Variants in INPP5A observed in about 807,000 individuals in gnomAD.
INPP5A encodes the protein 43 kDa inositol polyphosphate 5-phophatase.
INPP5A carries 14 observed loss-of-function variants against 65.2 expected under a neutral mutation model. That is an observed-to-expected ratio of 0.21 (90% CI 0.14 to 0.34). INPP5A has a LOEUF of 0.34. INPP5A is among the 10% of genes least tolerant of loss of function. INPP5A has a pLI of 1.00. For missense variants in INPP5A, 431 were observed against 545.6 expected (o/e 0.79, Z 2.09); for synonymous variants, 207 against 208.3 (o/e 0.99, Z 0.05).
At chr10:132,714,736 G>A (rs1389220690) in intron 8 of INPP5A, among the ~76,000 whole-genome samples, 1 of 152,206 alleles carries the variant, frequency 6.6e-6, no homozygotes, top group Non-Finnish European at 1.5e-5. Flanking sequence ...AAACAACTGA[G>A]AGACAAGCTC....
intron 4 of INPP5A, among the ~76,000 whole-genome samples, chr10:132,668,474 A>G (rs938059908): frequency 6.6e-6 from 1 of 152,164 alleles, no homozygotes; most frequent in African/African-American, 2.4e-5. Context: ...GTAACCTCAA[A>G]CTGTTTCACT....
At chr10:132,613,623 CGCCAATCCCCACTCTCGATTTCAAT>C (rs1360349194) in intron 2 of INPP5A, among the ~76,000 whole-genome samples, 1 of 152,196 alleles carries the variant, frequency 6.6e-6, no homozygotes, top group East Asian at 1.9e-4. Flanking sequence ...GAGATTTCAG[CGCCAATCCCCACTCTCGATTTCAAT>C]GCCAATCCCC....
chr10:132,691,844 G>T (rs1024233757), intron 5 of INPP5A, among the ~76,000 whole-genome samples: 1 of 151,826 alleles, frequency 6.6e-6, no homozygotes, highest in Admixed American at 6.6e-5. Context: ...CGCGGGAGAC[G>T]TGCGGTCGCG....
chr10:132,774,612 A>G (rs192291669), intron 12 of INPP5A, among the ~76,000 whole-genome samples: 313 of 152,154 alleles, frequency 2.1e-3, no homozygotes, highest in African/African-American at 7.1e-3. Context: ...GCCCTGCCCC[A>G]AGACCTCGAC....
chr10:132,775,474 C>T (rs895209796), intron 12 of INPP5A, among the ~76,000 whole-genome samples: 3 of 152,124 alleles, frequency 2.0e-5, no homozygotes, highest in South Asian at 2.1e-4. Flanking sequence ...GTGGGTACAG[C>T]GGTTGTGTGC....
intron 2 of INPP5A, among the ~76,000 whole-genome samples, chr10:132,617,078 A>G (rs539913207): frequency 4.6e-5 from 7 of 152,140 alleles, no homozygotes; most frequent in Non-Finnish European, 1.0e-4. Context: ...AAGATTCTGC[A>G]GGCTCTCTCT....
chr10:132,581,581 T>C (rs1197019910), intron 1 of INPP5A, among the ~76,000 whole-genome samples: 1 of 152,206 alleles, frequency 6.6e-6, no homozygotes, highest in Non-Finnish European at 1.5e-5. Flanking sequence ...TTAGCTCTTC[T>C]GGCGGGTGTG....
chr10:132,729,087 G>A (rs927707633), intron 9 of INPP5A, among the ~76,000 whole-genome samples: 2 of 152,110 alleles, frequency 1.3e-5, no homozygotes, highest in Non-Finnish European at 2.9e-5. Flanking sequence ...AGGCGTGGGG[G>A]GCCTGGACGC....
chr10:132,628,469 G>GGA (rs2072221364), intron 2 of INPP5A, among the ~76,000 whole-genome samples: 1 of 148,370 alleles, frequency 6.7e-6, no homozygotes, highest in Non-Finnish European at 1.5e-5. Flanking sequence ...GTGGCGGGGG[G>GGA]GGGGGGGGGC....
rs542413047 is a variant in INPP5A at position 132,648,337 on chromosome 10, C to T, written c.219-2081C>T. Among the ~76,000 whole-genome samples, 17 of 152,366 alleles carry T rather than the reference C, an allele frequency of 1.1e-4. 1 individual carries two copies. The highest frequency in any genetic ancestry group is 3.1e-4 in the African/African-American group (13 of 41,578). On this transcript the variant is annotated intron_variant, in intron 3 of 15. Coordinates refer to ENST00000368594, the MANE Select transcript of INPP5A (RefSeq NM_005539.5). ...CCACGGCCTTGTGCCCCCGCGATGCCGTGTGTGTTTCCTTCCTCCGCGCTT... is the reference window on the plus strand; with the variant it reads ...CCACGGCCTTGTGCCCCCGCGATGCTGTGTGTGTTTCCTTCCTCCGCGCTT...
At chr10:132,780,141 A>G (rs1198485636) in intron 13 of INPP5A, among the ~76,000 whole-genome samples, 1 of 152,172 alleles carries the variant, frequency 6.6e-6, no homozygotes, top group East Asian at 1.9e-4. Context: ...TGAGCTTCCC[A>G]CTGCATTAAA....
chr10:132,587,200 A>C lies in INPP5A; in HGVS notation c.76-20715A>C, dbSNP rs140855709. On this transcript the variant is annotated intron_variant, in intron 1 of 15. Coordinates refer to ENST00000368594, the MANE Select transcript of INPP5A (RefSeq NM_005539.5). The surrounding 1 kb of genome is among the most constrained non-coding windows in gnomAD (Gnocchi z 4.3). ...AAACAGTAGGCAATGAACAGTGTCC[A>C]CAGAACTCAGAGGGCGGACAGGAGA... 6.6e-6 allele frequency among the ~76,000 whole-genome samples: 1 copy of C among 152,358 alleles called. No individual in the cohort carries two copies. Among genetic ancestry groups the C allele is most frequent in the Admixed American group, 6.5e-5 (1 of 15,312 alleles).
chr10:132,654,119 C>T lies in INPP5A; in HGVS notation c.306+3614C>T, dbSNP rs567524331. ...CAGTCACCCTCACGATGAGGGTTTC[C>T]GGAAAATGGGACAGGATAAGGCTTG... On this transcript the variant is annotated intron_variant, in intron 4 of 15. Coordinates refer to ENST00000368594, the MANE Select transcript of INPP5A (RefSeq NM_005539.5). 1.4e-4 allele frequency among the ~76,000 whole-genome samples: 21 copies of T among 152,346 alleles called. 1 individual carries two copies. The South Asian group carries it at 1.9e-3, about 14-fold the overall frequency.
chr10:132,611,534 T>C (rs1335992565), intron 2 of INPP5A, among the ~76,000 whole-genome samples: 5 of 126,986 alleles, frequency 3.9e-5, no homozygotes, highest in South Asian at 2.8e-4. Flanking sequence ...GGCGAGGCCC[T>C]GTCAGGGGAG....
intron 1 of INPP5A, among the ~76,000 whole-genome samples, chr10:132,578,492 G>A (rs2071436420): frequency 6.7e-6 from 1 of 149,702 alleles, no homozygotes; most frequent in Non-Finnish European, 1.5e-5. Flanking sequence ...GAGAGTGTGC[G>A]GGGGCTGGAG....
chr10:132,719,463 C>G (rs1290428252), intron 8 of INPP5A, among the ~76,000 whole-genome samples: 1 of 146,878 alleles, frequency 6.8e-6, no homozygotes, highest in Non-Finnish European at 1.5e-5. Flanking sequence ...TGTCTGGGCA[C>G]CTTAGACGGC....
chr10:132,643,607 T>G (rs1187812737), intron 2 of INPP5A, among the ~76,000 whole-genome samples: 1 of 152,152 alleles, frequency 6.6e-6, no homozygotes, highest in East Asian at 1.9e-4. Context: ...CTAGCAGGAA[T>G]GGTGAAGGGA....
At chr10:132,568,287 ATG>A (rs2071296674) in intron 1 of INPP5A, among the ~76,000 whole-genome samples, 1 of 151,670 alleles carries the variant, frequency 6.6e-6, no homozygotes, top group Non-Finnish European at 1.5e-5. Flanking sequence ...AAGGGTTCCT[ATG>A]TGTTTCTCTG....
intron 9 of INPP5A, among the ~76,000 whole-genome samples, chr10:132,745,695 T>TCGGGTGTGGTGGGCC (rs1846357978): frequency 7.3e-6 from 1 of 137,726 alleles, no homozygotes; most frequent in Admixed American, 7.2e-5. Context: ...CATGGTGGCC[T>TCGGGTGTGGTGGGCC]CGGGTGTGGT....
Sources: allele counts gnomAD v4.1 joint callset (sites outside exome capture counted in the v4.1 genomes callset), GRCh38; gene constraint gnomAD v4.1.1; non-coding constraint Gnocchi (gnomAD v3.1); transcripts MANE v1.5; gene names NCBI Gene and HGNC (gene_info 2026-07-23, HGNC 2026-07-21).